The following KIRREL3 variants were observed in gnomAD, a reference collection of about 807,000 sequenced individuals.
The protein encoded by KIRREL3 is kirre like nephrin family adhesion molecule 3, also known as kin of IRRE-like protein 3.
Under a neutral mutation model 89.7 loss-of-function variants are expected in KIRREL3, and 36 were observed. That is an observed-to-expected ratio of 0.40 (90% confidence interval 0.31 to 0.53). The LOEUF (loss-of-function observed/expected upper bound fraction) is 0.53, where lower values mean the gene tolerates loss of function less well. Ranked by LOEUF, KIRREL3 falls within the 20% of genes least tolerant of loss-of-function variation. The probability of loss-of-function intolerance (pLI) is 0.49; values close to 1 mark genes in which losing one functional copy is unlikely to be tolerated. For synonymous variants in KIRREL3, 445 were observed against 441.4 expected (o/e 1.01, Z -0.10); for missense variants, 864 against 1,056.6 (o/e 0.82, Z 2.53).
chr11:126,659,003 C>T (rs1945277443), intron 1 of KIRREL3, among the ~76,000 whole-genome samples: 1 of 152,166 alleles, frequency 6.6e-6, no homozygotes, highest in Admixed American at 6.5e-5. Context: ...GAGACGAGGC[C>T]AGTGGGCATC....
intron 1 of KIRREL3, among the ~76,000 whole-genome samples, chr11:126,874,825 G>A (rs1000118243): frequency 8.5e-5 from 13 of 152,134 alleles, no homozygotes; most frequent in African/African-American, 3.1e-4. Flanking sequence ...AACATCAAAG[G>A]TGAAGCAACG....
At chr11:126,919,344 T>C (rs903471542) in intron 1 of KIRREL3, among the ~76,000 whole-genome samples, 1 of 152,172 alleles carries the variant, frequency 6.6e-6, no homozygotes, top group Admixed American at 6.5e-5. Flanking sequence ...CTCCTTTCTG[T>C]AGTTCCAGTT....
rs1855141540 is a variant in KIRREL3, at chr11:126,931,873, G to A, written c.55+68582C>T. 6.6e-6 allele frequency among the ~76,000 whole-genome samples: 1 copy of A among 152,172 alleles called. No individual in the cohort carries two copies. The highest frequency in any genetic ancestry group is 6.5e-5 in the Admixed American group (1 of 15,280). On this transcript the variant is annotated intron_variant, in intron 1 of 16. Coordinates refer to ENST00000525144, the MANE Select transcript of KIRREL3 (RefSeq NM_032531.4). This position sits in a 1 kb window ranked among gnomAD's most constrained non-coding sequence, Gnocchi z 5.1. ...ACGTGTTGCCTTCTCACCCCAATAG[G>A]AGTAGATGGACGAGGCATACTCGTA...
intron 1 of KIRREL3, among the ~76,000 whole-genome samples, chr11:126,928,765 G>A (rs1367585819): frequency 6.6e-6 from 1 of 152,158 alleles, no homozygotes; most frequent in African/African-American, 2.4e-5. Flanking sequence ...GGTTTGTTTT[G>A]TTGATTGGTT....
chr11:126,451,344 G>GTGTGAGCGTGTGCATA (rs1371041837), intron 7 of KIRREL3, among the ~76,000 whole-genome samples: 2 of 140,558 alleles, frequency 1.4e-5, no homozygotes, highest in African/African-American at 5.2e-5. Context: ...GTGTGTGCAT[G>GTGTGAGCGTGTGCATA]TGTGTGCGTA....
rs1046291235 is a variant in KIRREL3 at position 126,555,027 on chromosome 11, G to C, written c.133+7808C>G. On this transcript the variant is annotated intron_variant, in intron 2 of 16. Transcript: ENST00000525144. The surrounding 1 kb of genome is among the most constrained non-coding windows in gnomAD (Gnocchi z 4.2). ...CCTTTCCAACTCCTCATTCCGCCAA[G>C]AGCCCCTTCCATCTCCCAATAAAAT... 3.9e-5 allele frequency among the ~76,000 whole-genome samples: 6 copies of C among 152,128 alleles called. No homozygotes were observed. The highest frequency in any genetic ancestry group is 1.2e-4 in the African/African-American group (5 of 41,440).
At position 126,424,933 on chromosome 11, in the gene KIRREL3, G is replaced by A. The variant is rs771483539; in HGVS notation, c.1984C>T (p.Arg662Cys). 27 of 1,601,430 alleles carry A rather than the reference G, an allele frequency of 1.7e-5. No homozygotes were observed. The highest frequency in any genetic ancestry group is 3.3e-5 in the South Asian group (3 of 90,298). ...ISLSSCQPDL[R>C]PAGKQRVPTG... ...GGCACACGCTGCTTGCCCGCAGGACGCAGGTCGGGCTGGCAGCTGGAGAGG... is the reference window on the plus strand; with the variant it reads ...GGCACACGCTGCTTGCCCGCAGGACACAGGTCGGGCTGGCAGCTGGAGAGG... Residue 662 changes from arginine (R) to cysteine (C), a missense_variant, in exon 17 of 17, where the codon CGT (arginine) becomes TGT (cysteine). By Grantham distance (180) the Arg-to-Cys change is radical. Coordinates refer to ENST00000525144, the MANE Select transcript of KIRREL3 (RefSeq NM_032531.4).
chr11:126,634,548 G>T (rs1474294922), intron 1 of KIRREL3, among the ~76,000 whole-genome samples: 1 of 152,194 alleles, frequency 6.6e-6, no homozygotes, highest in Non-Finnish European at 1.5e-5. Flanking sequence ...CGCCACTTGG[G>T]CTGGAGAGGC....
intron 1 of KIRREL3, among the ~76,000 whole-genome samples, chr11:126,932,423 C>T (rs1001117736): frequency 2.0e-5 from 3 of 151,856 alleles, no homozygotes; most frequent in Admixed American, 6.6e-5. Flanking sequence ...TCTTGGACAC[C>T]GAAAGTGGGG....
intron 10 of KIRREL3, among the ~76,000 whole-genome samples, chr11:126,444,636 T>C (rs911018978): frequency 1.3e-5 from 2 of 152,192 alleles, no homozygotes; most frequent in African/African-American, 4.8e-5. Context: ...GCCAAGGCCA[T>C]GGTGAGTGGA....
At chr11:126,597,341 T>A (rs1315772647) in intron 1 of KIRREL3, among the ~76,000 whole-genome samples, 1 of 152,254 alleles carries the variant, frequency 6.6e-6, no homozygotes, top group Non-Finnish European at 1.5e-5. Context: ...ACATCAGTGC[T>A]GAGGAGTCGA....
rs574576888 is a variant in KIRREL3 at position 126,780,422 on chromosome 11, G to A, written c.56-217510C>T. 1.7e-3 allele frequency among the ~76,000 whole-genome samples: 265 copies of A among 152,286 alleles called. No homozygotes were observed. The highest frequency in any genetic ancestry group is 6.1e-3 in the African/African-American group (255 of 41,572). On this transcript the variant is annotated intron_variant, in intron 1 of 16. Transcript: ENST00000525144. The surrounding 1 kb of genome is among the most constrained non-coding windows in gnomAD (Gnocchi z 5.3). ...GGTTTCTTTTAACTTAATGTTTGCT[G>A]AACCATCCCTTCTATCTCACTTACC...
At chr11:126,819,692 G>C (rs1281811539) in intron 1 of KIRREL3, among the ~76,000 whole-genome samples, 3 of 152,254 alleles carry the variant, frequency 2.0e-5, no homozygotes, top group Non-Finnish European at 4.4e-5. Context: ...GAGGCCACAG[G>C]CATCACTGAG....
intron 1 of KIRREL3, among the ~76,000 whole-genome samples, chr11:126,957,698 A>T (rs1366732849): frequency 1.3e-5 from 2 of 152,224 alleles, no homozygotes; most frequent in African/African-American, 4.8e-5. Context: ...CTGTTGAGTC[A>T]GTGCTGACCT....
chr11:126,668,378 A>G lies in KIRREL3; in HGVS notation c.56-105466T>C, dbSNP rs1478452108. On this transcript the variant is annotated intron_variant, in intron 1 of 16. Coordinates refer to ENST00000525144, the MANE Select transcript of KIRREL3 (RefSeq NM_032531.4). This position sits in a 1 kb window ranked among gnomAD's most constrained non-coding sequence, Gnocchi z 4.4. ...TAATACCGTAGCCTTGGAGGTGAGAATTTTAGCTTATGAATTTGGGGGAAT... is the reference window on the plus strand; with the variant it reads ...TAATACCGTAGCCTTGGAGGTGAGAGTTTTAGCTTATGAATTTGGGGGAAT... Among the ~76,000 whole-genome samples the G allele has an allele frequency of 6.6e-6, 1 of 152,174 alleles. No homozygotes were observed. Among genetic ancestry groups the G allele is most frequent in the Non-Finnish European group, 1.5e-5 (1 of 68,030 alleles).
chr11:126,450,412 T>C (rs1298087285), intron 7 of KIRREL3, among the ~76,000 whole-genome samples: 1 of 150,882 alleles, frequency 6.6e-6, no homozygotes, highest in Non-Finnish European at 1.5e-5. Context: ...AGTGTGTGCA[T>C]GTGTGAGTGG....
At chr11:126,921,554 T>C (rs1433889978) in intron 1 of KIRREL3, among the ~76,000 whole-genome samples, 1 of 69,064 alleles carries the variant, frequency 1.4e-5, no homozygotes, top group Non-Finnish European at 3.9e-5. Context: ...TTTCTATCTA[T>C]ATCTATCAAT....
intron 6 of KIRREL3, 128 bp from the exon 7 acceptor site, chr11:126,456,582 G>T (rs1382274507): frequency 1.1e-5 from 7 of 640,192 alleles, no homozygotes; most frequent in South Asian, 9.6e-5. Flanking sequence ...CGCCCTGGTG[G>T]TCTTCAGGAA....
chr11:126,810,936 G>GGT (rs1481197298), intron 1 of KIRREL3, among the ~76,000 whole-genome samples: 1 of 152,098 alleles, frequency 6.6e-6, no homozygotes, highest in African/African-American at 2.4e-5. Flanking sequence ...GACAGCTGTG[G>GGT]GTGTGTGTGT....
Sources: gnomAD v4.1 joint callset for allele counts (sites outside exome capture counted in the v4.1 genomes callset) on GRCh38, gnomAD v4.1.1 for gene constraint, Gnocchi (gnomAD v3.1) non-coding constraint, MANE v1.5 for transcripts, NCBI Gene and HGNC (gene_info 2026-07-23, HGNC 2026-07-21) for gene names.